CLIC3: variants seen among roughly 807,000 people sequenced by gnomAD.
CLIC3 encodes chloride intracellular channel protein 3.
In CLIC3, 29 loss-of-function variants were observed where a neutral mutation model predicts 19.9. That is an observed-to-expected ratio of 1.46 (90% CI 1.09 to 1.99). The LOEUF (loss-of-function observed/expected upper bound fraction) is 1.99, where lower values mean the gene tolerates loss of function less well. Among genes scored for constraint, CLIC3 ranks in the 30% most tolerant of loss-of-function variants. The pLI is 0.00. For missense variants in CLIC3, 365 were observed against 342.6 expected (o/e 1.07, Z -0.52); for synonymous variants, 143 against 156.4 (o/e 0.91, Z 0.64).
Position 136,995,246 on chromosome 9 carries a change from T to C in CLIC3, c.316A>G (p.Asn106Asp). 1 of 1,612,732 alleles carries C rather than the reference T, an allele frequency of 6.2e-7. No individual in the cohort carries two copies. Among genetic ancestry groups the C allele is most frequent in the Non-Finnish European group, 8.5e-7 (1 of 1,179,896 alleles). The change falls in exon 4 of 6, where the codon AAC becomes GAC. Residue 106 changes from asparagine (N) to aspartate (D), a missense_variant. Coordinates refer to ENST00000494426, the MANE Select transcript of CLIC3 (RefSeq NM_004669.3). ...GCGGAGAACTTGTGGAAAACGTCGT[T>C]GCCGGCGGTGTTGGACTCCCTGTAA... Reference protein sequence around the residue: ...PRYRESNTAGNDVFHKFSAFI... With the variant: ...PRYRESNTAGDDVFHKFSAFI...
At chr9:136,996,350 C>G (rs1349099576) in intron 1 of CLIC3, among the ~76,000 whole-genome samples, 161 bp downstream of exon 1, 17 of 152,230 alleles carry the variant, frequency 1.1e-4, no homozygotes, top group Admixed American at 1.1e-3. Flanking sequence ...CTGGGTCCCA[C>G]TTTACTCAGC....
Position 136,995,683 on chromosome 9 carries a change from G to C in CLIC3, c.108C>G (p.Gly36=). ...CCACCGTGGTGAGGGTGAAAGGTAC[G>C]CCCTTGAGGAGCAGGACCATGAAGA... ...QRLFMVLLLK[G]VPFTLTTVDT... Residue 36 remains glycine, a synonymous_variant, in exon 2 of 6, where the codon GGC becomes GGG. Coordinates refer to ENST00000494426, the MANE Select transcript of CLIC3 (RefSeq NM_004669.3). 6.2e-7 allele frequency: 1 copy of C among 1,609,414 alleles called. No homozygotes were observed. The highest frequency in any genetic ancestry group is 8.5e-7 in the Non-Finnish European group (1 of 1,178,690).
At position 136,995,654 on chromosome 9, in the gene CLIC3, G is replaced by C. The variant is rs766170206; in HGVS notation, c.137C>G (p.Thr46Arg). ...CCACAGGATGGGGCCTCACCTGCGC[G>C]TGTCCACCGTGGTGAGGGTGAAAGG... is the stretch of plus-strand genomic sequence containing the variant. The part of the protein sequence containing the change: ...GVPFTLTTVD[T>R]RRSPDVLKDF... The change falls in exon 2 of 6, where the codon ACG (threonine) becomes AGG (arginine). Residue 46 changes from threonine (T) to arginine (R), a missense_variant. Coordinates refer to ENST00000494426, the MANE Select transcript of CLIC3 (RefSeq NM_004669.3). 1 of 1,610,728 alleles carries C rather than the reference G, an allele frequency of 6.2e-7. No individual in the cohort carries two copies.
chr9:136,994,827 G>T lies in CLIC3; in HGVS notation c.565C>A (p.His189Asn). 1 of 1,570,056 alleles carries T rather than the reference G, an allele frequency of 6.4e-7. No homozygotes were observed. The highest frequency in any genetic ancestry group is 8.6e-7 in the Non-Finnish European group (1 of 1,159,336). ...GCGGGGATGGGCGCCTGGCGGAAGTGCGCGCACACCGTCTGCGGGCAGGAT... is the reference window on the plus strand; with the variant it reads ...GCGGGGATGGGCGCCTGGCGGAAGTTCGCGCACACCGTCTGCGGGCAGGAT... ...KLHIVDTVCAHFRQAPIPAEL... is the reference protein window; with the variant it reads ...KLHIVDTVCANFRQAPIPAEL... Residue 189 changes from histidine (H) to asparagine (N), a missense_variant, in exon 6 of 6, where the codon CAC (histidine) becomes AAC (asparagine). His to Asn is a moderately conservative substitution (Grantham distance 68). Coordinates refer to ENST00000494426, the MANE Select transcript of CLIC3 (RefSeq NM_004669.3).
chr9:136,994,638 C>A lies in CLIC3; in HGVS notation c.*43G>T, dbSNP rs756239122. The A allele has an allele frequency of 1.9e-6, 3 of 1,582,018 alleles. No individual in the cohort carries two copies. Among genetic ancestry groups the A allele is most frequent in the East Asian group, 2.3e-5 (1 of 43,764 alleles). ...TCAGATGTCAGGACACCCTCACTCC[C>A]GACAAAGATGCCTTTATTGGGCGAC... On this transcript the variant is annotated 3_prime_UTR_variant, in exon 6 of 6. Coordinates refer to ENST00000494426, the MANE Select transcript of CLIC3 (RefSeq NM_004669.3).
rs1233640757 is a variant in CLIC3, at chr9:136,994,645, G to A, written c.*36C>T. The A allele has an allele frequency of 6.3e-6, 10 of 1,589,164 alleles. No homozygotes were observed. The highest frequency in any genetic ancestry group is 1.1e-5 in the South Asian group (1 of 88,550). ...TCAGGACACCCTCACTCCCGACAAA[G>A]ATGCCTTTATTGGGCGACAGACGCG... On this transcript the variant is annotated 3_prime_UTR_variant, in exon 6 of 6. Coordinates refer to ENST00000494426, the MANE Select transcript of CLIC3 (RefSeq NM_004669.3).
Position 136,994,797 on chromosome 9 carries a change from G to T in CLIC3, c.595C>A (p.Leu199Met), listed in dbSNP as rs372081015. 7.5e-6 allele frequency: 12 copies of T among 1,590,648 alleles called. No individual in the cohort carries two copies. Among genetic ancestry groups the T allele is most frequent in the South Asian group, 1.1e-5 (1 of 88,118 alleles). The change falls in exon 6 of 6, where the codon CTG (leucine) becomes ATG (methionine). Residue 199 changes from leucine to methionine, a missense_variant. Leu to Met is a conservative substitution (Grantham distance 15). Coordinates refer to ENST00000494426, the MANE Select transcript of CLIC3 (RefSeq NM_004669.3). Reference protein sequence around the residue: ...HFRQAPIPAELRGVRRYLDSA... With the variant: ...HFRQAPIPAEMRGVRRYLDSA... Reference sequence around the variant, plus strand: ...TCCAGGTAGCGGCGTACGCCGCGCAGCTCCGCGGGGATGGGCGCCTGGCGG... The same window carrying T: ...TCCAGGTAGCGGCGTACGCCGCGCATCTCCGCGGGGATGGGCGCCTGGCGG...
At position 136,996,011 on chromosome 9, in the gene CLIC3, G is replaced by T. The variant is rs62585802; in HGVS notation, c.34-254C>A. On this transcript the variant is annotated intron_variant, in intron 1 of 5. Coordinates refer to ENST00000494426, the MANE Select transcript of CLIC3 (RefSeq NM_004669.3). ...GGCCCCTGGAATCTTGTCAGAGCCT[G>T]GACAGAGGCCAGGCCCCTGGGCTCA... Among the ~76,000 whole-genome samples, 869 of 152,322 alleles carry T rather than the reference G, an allele frequency of 5.7e-3. 2 individuals are homozygous for T. The highest frequency in any genetic ancestry group is 9.8e-3 in the Non-Finnish European group (664 of 68,018).
In CLIC3 at chr9:136,995,184, A is replaced by C; in HGVS notation, c.376+2T>G. 1 of 1,611,542 alleles carries C rather than the reference A, an allele frequency of 6.2e-7. No individual in the cohort carries two copies. The highest frequency in any genetic ancestry group is 1.3e-5 in the African/African-American group (1 of 75,022). On this transcript the variant is annotated splice_donor_variant, in intron 4 of 5. Coordinates refer to ENST00000494426, the MANE Select transcript of CLIC3 (RefSeq NM_004669.3). LOFTEE classifies it high-confidence loss of function. ...GCACCCGACCCCCTGACCCCGCTTC[A>C]CCTTCGTCCTGCGCGGGCACCGGGT...
intron 1 of CLIC3, 79 bp from the exon 2 acceptor site, chr9:136,995,836 G>A (rs896319486): frequency 3.9e-5 from 37 of 951,190 alleles, no homozygotes; most frequent in Non-Finnish European, 4.7e-5. Flanking sequence ...GGCGGGACCC[G>A]CCTCCCACTG....
In CLIC3 at chr9:136,995,520, A is replaced by C. The variant is rs1360543359; in HGVS notation, c.191T>G (p.Ile64Ser). The change falls in exon 3 of 6, where the codon ATC (isoleucine) becomes AGC (serine). Residue 64 changes from isoleucine (I) to serine (S), a missense_variant. Ile to Ser is a moderately radical substitution (Grantham distance 142). Coordinates refer to ENST00000494426, the MANE Select transcript of CLIC3 (RefSeq NM_004669.3). Reference sequence around the variant, plus strand: ...CTTGGCGTCGCTGTCATAGAGCAGGATGGGCAGCTGCGAGCCGGGGGCGAA... The same window carrying C: ...CTTGGCGTCGCTGTCATAGAGCAGGCTGGGCAGCTGCGAGCCGGGGGCGAA... ...KDFAPGSQLPILLYDSDAKTD... is the reference protein window; with the variant it reads ...KDFAPGSQLPSLLYDSDAKTD... The C allele has an allele frequency of 1.9e-6, 3 of 1,612,330 alleles. No homozygotes were observed. The African/African-American group carries it at 4.0e-5, about 22-fold the overall frequency.
At position 136,995,712 on chromosome 9, in the gene CLIC3, G is replaced by T. The variant is rs559372697; in HGVS notation, c.79C>A (p.Arg27=). The T allele has an allele frequency of 1.9e-6, 3 of 1,603,660 alleles. No individual in the cohort carries two copies. The highest frequency in any genetic ancestry group is 4.5e-5 in the East Asian group (2 of 44,534). ...ESVGHCPSCQ[R]LFMVLLLKGV... is the part of the protein sequence containing the mutation. ...TTGAGGAGCAGGACCATGAAGAGCC[G>T]CTGGCAGGAGGGGCAGTGACCCACG... The change falls in exon 2 of 6, where the codon CGG becomes AGG. Residue 27 remains arginine, a synonymous_variant. Coordinates refer to ENST00000494426, the MANE Select transcript of CLIC3 (RefSeq NM_004669.3).
In CLIC3 at chr9:136,995,538, G is replaced by C; in HGVS notation, c.173C>G (p.Pro58Arg). Residue 58 changes from proline to arginine, a missense_variant, in exon 3 of 6, where the codon CCC becomes CGC. Coordinates refer to ENST00000494426, the MANE Select transcript of CLIC3 (RefSeq NM_004669.3). ...RSPDVLKDFA[P>R]GSQLPILLYD... ...GAGCAGGATGGGCAGCTGCGAGCCG[G>C]GGGCGAAGTCCTTCAGCACGTCCGG... The C allele has an allele frequency of 6.2e-7, 1 of 1,612,476 alleles. No individual in the cohort carries two copies. Among genetic ancestry groups the C allele is most frequent in the South Asian group, 1.1e-5 (1 of 91,082 alleles).
intron 1 of CLIC3, among the ~76,000 whole-genome samples, chr9:136,996,012 G>T (rs937813557): frequency 6.6e-6 from 1 of 152,186 alleles, no homozygotes; most frequent in Non-Finnish European, 1.5e-5. Flanking sequence ...TCAGAGCCTG[G>T]ACAGAGGCCA....
chr9:136,996,160 G>GA (rs1324828787), intron 1 of CLIC3, among the ~76,000 whole-genome samples: 1 of 152,172 alleles, frequency 6.6e-6, no homozygotes, highest in Non-Finnish European at 1.5e-5. Context: ...CCCGACCTGA[G>GA]AGCTGATGGG....
Position 136,995,000 on chromosome 9 carries a change from CGG to C in CLIC3, c.480_481del (p.Arg161ProfsTer86). ...GAGCCTGTCGCCGTCCAGGAAGCGG[CGG>C]CGGGACTCGCGCAGCTGCGGCTCCC... On this transcript the variant is annotated frameshift_variant, in exon 5 of 6. Coordinates refer to ENST00000494426, the MANE Select transcript of CLIC3 (RefSeq NM_004669.3). LOFTEE classifies it high-confidence loss of function. 6.6e-7 allele frequency: 1 copy of C among 1,504,730 alleles called. No homozygotes were observed. The highest frequency in any genetic ancestry group is 8.8e-7 in the Non-Finnish European group (1 of 1,132,456). The allele number at this position is 1,504,730 out of a possible 1,614,324, so 93.2% of individuals were successfully genotyped here.
At chr9:136,996,425 C>G in intron 1 of CLIC3, 86 bp downstream of exon 1, 1 of 1,271,794 alleles carries the variant, frequency 7.9e-7, no homozygotes. Flanking sequence ...TACTGGGAGG[C>G]CCACCCCACA....
At position 136,995,179 on chromosome 9, in the gene CLIC3, G is replaced by T. The variant is rs764418532; in HGVS notation, c.376+7C>A. On this transcript the variant is annotated splice_region_variant and intron_variant, in intron 4 of 5. Coordinates refer to ENST00000494426, the MANE Select transcript of CLIC3 (RefSeq NM_004669.3). ...CCTGGGCACCCGACCCCCTGACCCC[G>T]CTTCACCTTCGTCCTGCGCGGGCAC... is the stretch of plus-strand genomic sequence containing the variant. 3 of 1,610,484 alleles carry T rather than the reference G, an allele frequency of 1.9e-6. No individual in the cohort carries two copies. Among genetic ancestry groups the T allele is most frequent in the South Asian group, 1.1e-5 (1 of 90,716 alleles).
chr9:136,994,799 T>G lies in CLIC3; in HGVS notation c.593A>C (p.Glu198Ala). 6.3e-7 allele frequency: 1 copy of G among 1,589,774 alleles called. No homozygotes were observed. Among genetic ancestry groups the G allele is most frequent in the Non-Finnish European group, 8.6e-7 (1 of 1,169,008 alleles). Residue 198 changes from glutamate (E) to alanine (A), a missense_variant, in exon 6 of 6, where the codon GAG (glutamate) becomes GCG (alanine). By Grantham distance (107) the Glu-to-Ala change is moderately radical (BLOSUM62 -1). Transcript: ENST00000494426. Reference sequence around the variant, plus strand: ...CAGGTAGCGGCGTACGCCGCGCAGCTCCGCGGGGATGGGCGCCTGGCGGAA... The same window carrying G: ...CAGGTAGCGGCGTACGCCGCGCAGCGCCGCGGGGATGGGCGCCTGGCGGAA... ...AHFRQAPIPAELRGVRRYLDS... is the reference protein window; with the variant it reads ...AHFRQAPIPAALRGVRRYLDS...
Sources: gnomAD v4.1 joint callset for allele counts (sites outside exome capture counted in the v4.1 genomes callset) on GRCh38, gnomAD v4.1.1 for gene constraint, MANE v1.5 for transcripts, NCBI Gene and HGNC (gene_info 2026-07-23, HGNC 2026-07-21) for gene names.